The following ZFYVE16 variants were observed in gnomAD, a reference collection of about 807,000 sequenced individuals.
The protein encoded by ZFYVE16 is zinc finger FYVE domain-containing protein 16.
Under a neutral mutation model 138.1 loss-of-function variants are expected in ZFYVE16, and 89 were observed. The ratio of observed to expected loss-of-function variants is 0.64; its 90% CI spans 0.54 to 0.77. The LOEUF (loss-of-function observed/expected upper bound fraction) is 0.77. Among genes scored for constraint, ZFYVE16 ranks in the 30% least tolerant of loss-of-function variants. ZFYVE16 has a pLI of 0.00. For missense variants in ZFYVE16, 1,793 were observed against 1,786.7 expected (o/e 1.00, Z -0.06); for synonymous variants, 596 against 618.3 (o/e 0.96, Z 0.53).
At position 80,456,954 on chromosome 5, in the gene ZFYVE16, G is replaced by A. The variant is rs188704073; in HGVS notation, c.3805G>A (p.Val1269Ile). The change falls in exon 14 of 19, where the codon GTA (valine) becomes ATA (isoleucine). Residue 1269 changes from valine to isoleucine, a missense_variant. This residue lies in a region of ZFYVE16 where 498 missense variants were observed against 582.4 expected (regional missense o/e 0.86). Coordinates refer to ENST00000505560, the MANE Select transcript of ZFYVE16 (RefSeq NM_001284236.3). ...PRKKYSDVMK[V>I]LNSSNEHVIS... Reference sequence around the variant, plus strand: ...TTTTGTTTTTTTCCAGGTAATGAAAGTACTAAATTCTTCCAATGAGCATGT... The same window carrying A: ...TTTTGTTTTTTTCCAGGTAATGAAAATACTAAATTCTTCCAATGAGCATGT... The A allele has an allele frequency of 2.9e-5, 46 of 1,593,954 alleles. No homozygotes were observed. The highest frequency in any genetic ancestry group is 4.1e-5 in the African/African-American group (3 of 73,672).
intron 1 of ZFYVE16, among the ~76,000 whole-genome samples, chr5:80,424,983 G>A (rs1209960359): frequency 6.6e-6 from 1 of 152,158 alleles, no homozygotes; most frequent in Non-Finnish European, 1.5e-5. Context: ...TTGCTCTCTG[G>A]CTGTTCTATC....
intron 1 of ZFYVE16, among the ~76,000 whole-genome samples, chr5:80,411,047 A>G (rs899144398): frequency 9.3e-5 from 14 of 149,940 alleles, no homozygotes; most frequent in Non-Finnish European, 1.8e-4. Flanking sequence ...GCTCACTGCA[A>G]CCTCCGCCTC....
At chr5:80,468,444 C>G (rs1447847766) in intron 15 of ZFYVE16, among the ~76,000 whole-genome samples, 1 of 152,152 alleles carries the variant, frequency 6.6e-6, no homozygotes, top group Non-Finnish European at 1.5e-5. Flanking sequence ...TAAACCTGTA[C>G]AGCATGTTAC....
chr5:80,425,949 A>T (rs1025401708), intron 1 of ZFYVE16, among the ~76,000 whole-genome samples: 1 of 152,272 alleles, frequency 6.6e-6, no homozygotes, highest in Non-Finnish European at 1.5e-5. Context: ...TGAATTAAAA[A>T]TTTTTAACAT....
intron 1 of ZFYVE16, among the ~76,000 whole-genome samples, chr5:80,421,251 G>A (rs573106027): frequency 1.3e-5 from 2 of 152,148 alleles, no homozygotes; most frequent in African/African-American, 2.4e-5. Context: ...TAGGTTGCCT[G>A]TTCACTCTGA....
In ZFYVE16 at chr5:80,461,832, C is replaced by T. The variant is rs535436274; in HGVS notation, c.4024+2338C>T. Among the ~76,000 whole-genome samples, 11 of 152,042 alleles carry T rather than the reference C, an allele frequency of 7.2e-5. No homozygotes were observed. The East Asian group carries it at 9.7e-4, about 13-fold the overall frequency. On this transcript the variant is annotated intron_variant, in intron 15 of 18. Transcript: ENST00000505560. ...CTAAAAATACAAAAAGTTGGTCAGG[C>T]GTGGTGGCGGGCGCCTGTAATCCCA...
intron 17 of ZFYVE16, among the ~76,000 whole-genome samples, chr5:80,474,227 TTTAAA>T (rs1457399836): frequency 6.6e-6 from 1 of 152,230 alleles, no homozygotes; most frequent in Non-Finnish European, 1.5e-5. Context: ...TTAGTTTTTT[TTTAAA>T]TTAGAGGATA....
intron 1 of ZFYVE16, among the ~76,000 whole-genome samples, chr5:80,415,090 T>G (rs1355428458): frequency 6.6e-6 from 1 of 152,226 alleles, no homozygotes; most frequent in African/African-American, 2.4e-5. Context: ...TTAGATTGAT[T>G]CTCTAATTTC....
chr5:80,474,278 C>T (rs1049266351), intron 17 of ZFYVE16, among the ~76,000 whole-genome samples: 3 of 152,042 alleles, frequency 2.0e-5, no homozygotes, highest in Non-Finnish European at 4.4e-5. Flanking sequence ...AGTCTACCTC[C>T]TTATTCCCCC....
intron 5 of ZFYVE16, 89 bp from the exon 6 acceptor site, chr5:80,443,034 C>A: frequency 7.8e-7 from 1 of 1,279,490 alleles, no homozygotes; most frequent in Non-Finnish European, 1.0e-6. Context: ...CTCCTTACAA[C>A]TTGAAAAATA....
At position 80,438,789 on chromosome 5, in the gene ZFYVE16, A is replaced by G; in HGVS notation, c.2104A>G (p.Asn702Asp). 1 of 1,614,124 alleles carries G rather than the reference A, an allele frequency of 6.2e-7. No individual in the cohort carries two copies. Among genetic ancestry groups the G allele is most frequent in the Non-Finnish European group, 8.5e-7 (1 of 1,179,974 alleles). ...DSTADPQVSF[N>D]SNYIDIESNS... The stretch of plus-strand genomic sequence containing the variant: ...TACAGCTGATCCACAGGTTAGCTTC[A>G]ACTCTAATTACATTGATATAGAAAG... Residue 702 changes from asparagine to aspartate, a missense_variant, in exon 4 of 19, where the codon AAC becomes GAC. Asn to Asp is a conservative substitution (Grantham distance 23). Transcript: ENST00000505560.
intron 18 of ZFYVE16, among the ~76,000 whole-genome samples, chr5:80,476,464 A>T (rs1034496702): frequency 2.6e-5 from 4 of 152,250 alleles, no homozygotes; most frequent in African/African-American, 7.2e-5. Flanking sequence ...GCCTGGCCCC[A>T]GTATTATTTT....
rs1269374003 is a variant in ZFYVE16 at position 80,474,668 on chromosome 5, C to A, written c.4299C>A (p.Phe1433Leu). 1.2e-6 allele frequency: 2 copies of A among 1,606,992 alleles called. No homozygotes were observed. The highest frequency in any genetic ancestry group is 1.3e-5 in the African/African-American group (1 of 74,650). ...DEKIVKCTEVFYFLKDQDLSI... is the reference protein window; with the variant it reads ...DEKIVKCTEVLYFLKDQDLSI... The stretch of plus-strand genomic sequence containing the variant: ...CCTAATTAAATACATTTCAGGTGTT[C>A]TACTTTCTAAAGGACCAGGATTTAT... Residue 1433 changes from phenylalanine to leucine, a missense_variant, in exon 18 of 19, where the codon TTC (phenylalanine) becomes TTA (leucine). Around this residue, in one of 2 missense-constraint regions of ZFYVE16, gnomAD observed 498 missense variants for 582.4 expected, o/e 0.86. Coordinates refer to ENST00000505560, the MANE Select transcript of ZFYVE16 (RefSeq NM_001284236.3).
chr5:80,422,442 A>G (rs1371725639), intron 1 of ZFYVE16, among the ~76,000 whole-genome samples: 4 of 152,096 alleles, frequency 2.6e-5, no homozygotes, highest in Admixed American at 1.3e-4. Context: ...TCATGAATGT[A>G]TATTGTATTT....
rs750056377 is a variant in ZFYVE16 at position 80,473,878 on chromosome 5, C to T, written c.4293+19C>T. The T allele has an allele frequency of 2.5e-6, 4 of 1,568,994 alleles. No individual in the cohort carries two copies. The highest frequency in any genetic ancestry group is 3.5e-6 in the Non-Finnish European group (4 of 1,141,720). On this transcript the variant is annotated intron_variant, in intron 17 of 18. Transcript: ENST00000505560. ...TACCGAGGTAACTAAGAAAGAAGGTCCCTTTACATGCTGTGTTTCAATATG... is the reference window on the plus strand; with the variant it reads ...TACCGAGGTAACTAAGAAAGAAGGTTCCTTTACATGCTGTGTTTCAATATG...
intron 15 of ZFYVE16, among the ~76,000 whole-genome samples, chr5:80,461,253 C>A (rs1273544226): frequency 6.6e-6 from 1 of 152,144 alleles, no homozygotes; most frequent in Non-Finnish European, 1.5e-5. Flanking sequence ...ACACTTCTGG[C>A]CCTATGCGCT....
chr5:80,428,770 T>C lies in ZFYVE16; in HGVS notation c.-40+1225T>C, dbSNP rs1218993367. 5.3e-5 allele frequency among the ~76,000 whole-genome samples: 8 copies of C among 152,192 alleles called. No individual in the cohort carries two copies. The East Asian group carries it at 7.7e-4, about 15-fold the overall frequency. ...GTAGAGAAGTCCTTAAATGACCTGA[T>C]GGAGCTGAGAACCATGGCATGAGAA... On this transcript the variant is annotated intron_variant, in intron 2 of 18. Coordinates refer to ENST00000505560, the MANE Select transcript of ZFYVE16 (RefSeq NM_001284236.3).
At chr5:80,466,560 T>A (rs1163260616) in intron 15 of ZFYVE16, among the ~76,000 whole-genome samples, 1 of 152,224 alleles carries the variant, frequency 6.6e-6, no homozygotes, top group Non-Finnish European at 1.5e-5. Flanking sequence ...AATAATTGAT[T>A]TATACCCTTT....
chr5:80,450,238 A>G (rs887425644), intron 9 of ZFYVE16, among the ~76,000 whole-genome samples, 193 bp from the exon 10 acceptor site: 1 of 145,668 alleles, frequency 6.9e-6, no homozygotes, highest in African/African-American at 2.5e-5. Context: ...AGTGTTATTT[A>G]TTAATTGGCT....
Sources: gnomAD v4.1 joint callset for allele counts (sites outside exome capture counted in the v4.1 genomes callset) on GRCh38, gnomAD v4.1.1 for gene constraint, gnomAD v4.1.1 regional missense constraint, MANE v1.5 for transcripts, NCBI Gene and HGNC (gene_info 2026-07-23, HGNC 2026-07-21) for gene names.